EMP2: variants seen among roughly 807,000 people sequenced by gnomAD.
EMP2 encodes epithelial membrane protein 2.
In EMP2, 19 loss-of-function variants were observed where a neutral mutation model predicts 13.7. The observed-to-expected ratio is 1.38, with a 90% confidence interval of 0.97 to 2.03. The LOEUF (loss-of-function observed/expected upper bound fraction) is 2.03. Among genes scored for constraint, EMP2 ranks in the 30% most tolerant of loss-of-function variants. EMP2 has a pLI of 0.00. For missense variants in EMP2, 253 were observed against 220.7 expected (o/e 1.15, Z -0.93); for synonymous variants, 97 against 84.7 (o/e 1.15, Z -0.80).
At chr16:10,560,325 G>A (rs138167140) in intron 1 of EMP2, among the ~76,000 whole-genome samples, 1 of 152,332 alleles carries the variant, frequency 6.6e-6, no homozygotes, top group African/African-American at 2.4e-5. Context: ...CAGGCTCACA[G>A]CTCTTCCCAC....
chr16:10,571,255 CAAAAAAAA>C (rs58665715), intron 1 of EMP2, among the ~76,000 whole-genome samples: 3 of 33,430 alleles, frequency 9.0e-5, no homozygotes, highest in African/African-American at 1.8e-4. Context: ...GACTCCGTCT[CAAAAAAAA>C]AAAAAAAAAA....
chr16:10,577,826 C>G (rs551596738), intron 1 of EMP2, among the ~76,000 whole-genome samples: 1 of 152,068 alleles, frequency 6.6e-6, no homozygotes, highest in East Asian at 1.9e-4. Flanking sequence ...GTAACGTCAC[C>G]GCCTCCCCTC....
At chr16:10,550,402 C>T (rs920105930) in intron 1 of EMP2, among the ~76,000 whole-genome samples, 4 of 152,166 alleles carry the variant, frequency 2.6e-5, no homozygotes, top group Non-Finnish European at 5.9e-5. Context: ...TGGAATACTT[C>T]CTCAGGTCTG....
intron 1 of EMP2, among the ~76,000 whole-genome samples, chr16:10,579,367 T>G (rs1181872687): frequency 6.6e-6 from 1 of 152,178 alleles, no homozygotes; most frequent in Non-Finnish European, 1.5e-5. Flanking sequence ...TTAAAAAATT[T>G]TTATGATAAA....
At position 10,530,980 on chromosome 16, in the gene EMP2, G is replaced by A. The variant is rs1318236666; in HGVS notation, c.*1925C>T. The A allele has an allele frequency of 6.6e-6, 1 of 152,270 alleles. No individual in the cohort carries two copies. Among genetic ancestry groups the A allele is most frequent in the East Asian group, 1.9e-4 (1 of 5,174 alleles). 9.4% of individuals were successfully genotyped at this position (152,270 alleles called of 1,614,324 possible). ...ATGCCACAGGCCTCGATTTTGAATC[G>A]TTTTATTTTTGAGACGGAGTCTCAG... On this transcript the variant is annotated 3_prime_UTR_variant, in exon 5 of 5. Coordinates refer to ENST00000359543, the MANE Select transcript of EMP2 (RefSeq NM_001424.6).
At chr16:10,533,356 T>C (rs1364747361) in intron 4 of EMP2, among the ~76,000 whole-genome samples, 1 of 152,202 alleles carries the variant, frequency 6.6e-6, no homozygotes, top group Non-Finnish European at 1.5e-5. Flanking sequence ...TTATTATTAA[T>C]AGGTATTTAT....
rs1379991190 is a variant in EMP2, at chr16:10,529,998, C to A, written c.*2907G>T. The A allele has an allele frequency of 6.6e-6, 1 of 151,594 alleles. No individual in the cohort carries two copies. Among genetic ancestry groups the A allele is most frequent in the African/African-American group, 2.4e-5 (1 of 41,238 alleles). 9.4% of individuals were successfully genotyped at this position (151,594 alleles called of 1,614,324 possible). ...GAAAAGCCACCAAGGTAGAAAGTTT[C>A]AAGGGAACTTAAGATTCAACTTCCT... On this transcript the variant is annotated 3_prime_UTR_variant, in exon 5 of 5. Coordinates refer to ENST00000359543, the MANE Select transcript of EMP2 (RefSeq NM_001424.6).
At chr16:10,558,791 C>A (rs1429133551) in intron 1 of EMP2, among the ~76,000 whole-genome samples, 1 of 152,052 alleles carries the variant, frequency 6.6e-6, no homozygotes, top group East Asian at 1.9e-4. Context: ...TGCCAGGGAA[C>A]AAGAGTCAGA....
chr16:10,554,792 G>A (rs1237177525), intron 1 of EMP2, among the ~76,000 whole-genome samples: 1 of 151,990 alleles, frequency 6.6e-6, no homozygotes, highest in Non-Finnish European at 1.5e-5. Context: ...TCCCTGGAGC[G>A]GTCTCTCCGT....
intron 1 of EMP2, among the ~76,000 whole-genome samples, chr16:10,571,143 G>A (rs1043294140): frequency 6.6e-6 from 1 of 151,292 alleles, no homozygotes; most frequent in African/African-American, 2.4e-5. Context: ...TGTAGTCCCA[G>A]CTACTTTGGA....
chr16:10,565,953 C>T (rs1281559062), intron 1 of EMP2, among the ~76,000 whole-genome samples: 2 of 152,198 alleles, frequency 1.3e-5, no homozygotes, highest in Non-Finnish European at 2.9e-5. Context: ...AACTGGGAAA[C>T]TGACTCAACA....
intron 1 of EMP2, among the ~76,000 whole-genome samples, chr16:10,569,333 GTT>G: frequency 6.6e-6 from 1 of 152,232 alleles, no homozygotes. Context: ...TATTTATTCT[GTT>G]TTGTTTTTTG....
chr16:10,574,086 C>G (rs2050966470), intron 1 of EMP2, among the ~76,000 whole-genome samples: 2 of 151,652 alleles, frequency 1.3e-5, no homozygotes, highest in South Asian at 4.2e-4. Context: ...TACAGGTGCA[C>G]ACCACCAAGC....
chr16:10,550,822 A>T (rs982415441), intron 1 of EMP2, among the ~76,000 whole-genome samples: 1 of 152,076 alleles, frequency 6.6e-6, no homozygotes, highest in Non-Finnish European at 1.5e-5. Context: ...TAAAAACACA[A>T]AAATTAGCCG....
Position 10,561,606 on chromosome 16 carries a change from T to A in EMP2, c.-60-13929A>T, listed in dbSNP as rs1444058896. Among the ~76,000 whole-genome samples the A allele has an allele frequency of 2.0e-5, 3 of 152,042 alleles. No homozygotes were observed. In the East Asian group the frequency reaches 5.8e-4, roughly 29 times the overall value. On this transcript the variant is annotated intron_variant, in intron 1 of 4. Transcript: ENST00000359543. The stretch of plus-strand genomic sequence containing the variant: ...TCATTGGCCGAATTGGCAACCACAG[T>A]TTTAGGGAAGTGAACTAAAGCCCTT...
intron 3 of EMP2, among the ~76,000 whole-genome samples, chr16:10,541,061 C>A (rs2050693594): frequency 6.6e-6 from 1 of 151,370 alleles, no homozygotes; most frequent in East Asian, 1.9e-4. Context: ...GCACTCCAGC[C>A]AGAGTGACAA....
At chr16:10,571,516 G>A (rs2050947355) in intron 1 of EMP2, among the ~76,000 whole-genome samples, 1 of 152,162 alleles carries the variant, frequency 6.6e-6, no homozygotes, top group Non-Finnish European at 1.5e-5. Flanking sequence ...AGGTCAGTCA[G>A]CCAAGGACCT....
rs1202250529 is a variant in EMP2 at position 10,539,421 on chromosome 16, C to T, written c.170-1347G>A. ...CTTTCCCCCAATTCCTTATGGGGAG[C>T]GAAAGGAGTCAGACCGGCTCCCCCA... On this transcript the variant is annotated intron_variant, in intron 3 of 4. Transcript: ENST00000359543. 2.0e-5 allele frequency among the ~76,000 whole-genome samples: 3 copies of T among 152,032 alleles called. No individual in the cohort carries two copies. The South Asian group carries it at 6.2e-4, about 32-fold the overall frequency.
Position 10,528,776 on chromosome 16 carries a change from C to A in EMP2, c.*4129G>T, listed in dbSNP as rs1467683440. ...TCCAACTTGCTCTATTGTAAGTAAC[C>A]TTTAAACTATTAGCGAGTTTAGTAA... On this transcript the variant is annotated 3_prime_UTR_variant, in exon 5 of 5. Transcript: ENST00000359543. 2.0e-5 allele frequency: 3 copies of A among 152,210 alleles called. No individual in the cohort carries two copies. The highest frequency in any genetic ancestry group is 1.3e-4 in the Admixed American group (2 of 15,270). The allele number at this position is 152,210 out of a possible 1,614,324, so 9.4% of individuals were successfully genotyped here.
Sources: gnomAD v4.1 joint callset for allele counts (sites outside exome capture counted in the v4.1 genomes callset) on GRCh38, gnomAD v4.1.1 for gene constraint, MANE v1.5 for transcripts, NCBI Gene and HGNC (gene_info 2026-07-23, HGNC 2026-07-21) for gene names.